COA1: variants seen among roughly 807,000 people sequenced by gnomAD.
COA1 encodes the protein cytochrome c oxidase assembly factor 1.
In COA1, 13 loss-of-function variants were observed where a neutral mutation model predicts 16.0. The observed-to-expected ratio is 0.81, with a 90% CI of 0.53 to 1.29. The LOEUF (loss-of-function observed/expected upper bound fraction) is 1.29. Among genes scored for constraint, COA1 ranks in the 50% most tolerant of loss-of-function variants. COA1 has a pLI of 0.00. For synonymous variants in COA1, 65 were observed against 65.7 expected, an observed-to-expected ratio of 0.99 and a Z score of 0.05; for missense variants, 179 against 177.0, an observed-to-expected ratio of 1.01 and a Z score of -0.06.
At chr7:43,619,001 T>C (rs538212873) in intron 6 of COA1, among the ~76,000 whole-genome samples, 23 of 151,808 alleles carry the variant, frequency 1.5e-4, no homozygotes, top group Admixed American at 5.2e-4. Context: ...ATTGAGAAAA[T>C]TGTGAGGGAT....
chr7:43,639,654 C>A lies in COA1; in HGVS notation c.369G>T (p.Glu123Asp). Reference protein sequence around the residue: ...QRWHLDEVFLELKDGQQIPVF... With the variant: ...QRWHLDEVFLDLKDGQQIPVF... ...CAGGAATCTGCTGACCATCCTTGAG[C>A]TCTAAAAAGACCTCGTCAAGGTGCC... The change falls in exon 6 of 6, where the codon GAG (glutamate) becomes GAT (aspartate). Residue 123 changes from glutamate (E) to aspartate (D), a missense_variant. Transcript: ENST00000223336. 1 of 1,614,062 alleles carries A rather than the reference C, an allele frequency of 6.2e-7. No homozygotes were observed. Among genetic ancestry groups the A allele is most frequent in the Non-Finnish European group, 8.5e-7 (1 of 1,179,950 alleles).
Position 43,648,624 on chromosome 7 carries a change from C to G in COA1, c.-10G>C. The G allele has an allele frequency of 3.1e-6, 5 of 1,612,540 alleles. No individual in the cohort carries two copies. The highest frequency in any genetic ancestry group is 4.2e-6 in the Non-Finnish European group (5 of 1,179,492). On this transcript the variant is annotated 5_prime_UTR_variant, in exon 2 of 6. Coordinates refer to ENST00000223336, the MANE Select transcript of COA1 (RefSeq NM_018224.4). Reference sequence around the variant, plus strand: ...CCTTTTGCCACATCATAGCACAACTCTCTTGAAAATCATCAAAGGCAAGTT... The same window carrying G: ...CCTTTTGCCACATCATAGCACAACTGTCTTGAAAATCATCAAAGGCAAGTT...
At chr7:43,684,604 T>C (rs1212282216) in intron 1 of COA1, among the ~76,000 whole-genome samples, 1 of 152,118 alleles carries the variant, frequency 6.6e-6, no homozygotes, top group African/African-American at 2.4e-5. Flanking sequence ...GAGGAAAGGA[T>C]AGAGACCCCT....
chr7:43,714,394 G>A (rs1243378895), intron 1 of COA1, among the ~76,000 whole-genome samples: 1 of 150,498 alleles, frequency 6.6e-6, no homozygotes, highest in Non-Finnish European at 1.5e-5. Context: ...TTGGGAGGCC[G>A]AGGAGGGTGG....
At chr7:43,628,486 G>C (rs2084842227) in intron 6 of COA1, among the ~76,000 whole-genome samples, 1 of 152,144 alleles carries the variant, frequency 6.6e-6, no homozygotes, top group Non-Finnish European at 1.5e-5. Flanking sequence ...GAATTGCTAG[G>C]TCTTATGGTA....
chr7:43,620,707 T>A (rs1173150267), intron 6 of COA1, among the ~76,000 whole-genome samples: 1 of 152,100 alleles, frequency 6.6e-6, no homozygotes, highest in East Asian at 1.9e-4. Context: ...TATTTAAAAT[T>A]TCAGTGGTGA....
intron 6 of COA1, chr7:43,619,520 A>C (rs1375300744): frequency 1.3e-6 from 2 of 1,521,964 alleles, no homozygotes; most frequent in African/African-American, 2.8e-5. Flanking sequence ...CATAGGTGAA[A>C]TATGTTTTAT....
downstream of COA1, among the ~76,000 whole-genome samples, chr7:43,636,766 T>C (rs3807524): frequency 7.1e-4 from 108 of 152,284 alleles, no homozygotes; most frequent in East Asian, 1.7e-3. Flanking sequence ...TCTAGGAAAA[T>C]TGAACAAAGA....
chr7:43,647,483 C>CAGG, intron 3 of COA1, 52 bp downstream of exon 3: 1 of 1,152,156 alleles, frequency 8.7e-7, no homozygotes, highest in Non-Finnish European at 1.3e-6. Context: ...GATGGAGGAG[C>CAGG]AGGAGCAGGC....
intron 4 of COA1, among the ~76,000 whole-genome samples, chr7:43,643,335 C>T (rs2087705735): frequency 2.0e-5 from 3 of 152,236 alleles, no homozygotes; most frequent in South Asian, 4.1e-4. Context: ...TACAGCTGGG[C>T]TCTGTGCTGA....
At chr7:43,680,499 T>C (rs1311641693) in intron 1 of COA1, among the ~76,000 whole-genome samples, 1 of 152,216 alleles carries the variant, frequency 6.6e-6, no homozygotes, top group African/African-American at 2.4e-5. Flanking sequence ...AAATCTGCAA[T>C]GAAGTAAGAC....
chr7:43,658,161 G>C (rs2092000948), intron 1 of COA1, among the ~76,000 whole-genome samples: 1 of 151,998 alleles, frequency 6.6e-6, no homozygotes, highest in African/African-American at 2.4e-5. Flanking sequence ...TGGATCACGG[G>C]GTCAGGAGAT....
chr7:43,651,403 T>C (rs1278851608), intron 1 of COA1, among the ~76,000 whole-genome samples: 1 of 152,198 alleles, frequency 6.6e-6, no homozygotes, highest in Admixed American at 6.5e-5. Context: ...GGGGTGACTT[T>C]GGCCTCCAAA....
At chr7:43,664,295 T>C (rs959301228) in intron 1 of COA1, among the ~76,000 whole-genome samples, 5 of 152,174 alleles carry the variant, frequency 3.3e-5, no homozygotes, top group Non-Finnish European at 7.3e-5. Context: ...TATTTGTCTT[T>C]TTGTTATGGC....
In COA1 at chr7:43,691,414, A is replaced by AG. The variant is rs1272869717; in HGVS notation, c.-39+38014dup. On this transcript the variant is annotated intron_variant, in intron 1 of 5. Coordinates refer to ENST00000223336, the MANE Select transcript of COA1 (RefSeq NM_018224.4). ...AAGGAAGGAAGGAAGGAAGGAAGGA[A>AG]GAAAGAAAAAGAAAGAAAGAAAGAA... Among the ~76,000 whole-genome samples the AG allele has an allele frequency of 4.2e-3, 459 of 108,664 alleles. 3 individuals carry two copies. Among genetic ancestry groups the AG allele is most frequent in the East Asian group, 0.012 (37 of 3,084 alleles). 71.3% of individuals were successfully genotyped at this position (108,664 alleles called of 152,430 possible). A position where few individuals can be genotyped will look rare whatever the true frequency, so the allele number is the denominator to read the frequency against.
chr7:43,677,658 G>A (rs1177963144), intron 1 of COA1, among the ~76,000 whole-genome samples: 3 of 152,044 alleles, frequency 2.0e-5, no homozygotes, highest in Non-Finnish European at 2.9e-5. Context: ...AATTAGCTGG[G>A]TGTGGTGGTG....
In COA1 at chr7:43,679,106, C is replaced by A. The variant is rs1584886884; in HGVS notation, c.-38-30454G>T. On this transcript the variant is annotated intron_variant, in intron 1 of 5. Transcript: ENST00000223336. Reference sequence around the variant, plus strand: ...CCAGCCTGGCCAACATGGTGAAACCCCATACAAAAAATTAGCTGGGCATGG... The same window carrying A: ...CCAGCCTGGCCAACATGGTGAAACCACATACAAAAAATTAGCTGGGCATGG... Among the ~76,000 whole-genome samples, 3 of 151,946 alleles carry A rather than the reference C, an allele frequency of 2.0e-5. No homozygotes were observed. In the South Asian group the frequency reaches 6.2e-4, roughly 32 times the overall value.
At chr7:43,659,959 A>G (rs1264466652) in intron 1 of COA1, among the ~76,000 whole-genome samples, 1 of 152,256 alleles carries the variant, frequency 6.6e-6, no homozygotes, top group East Asian at 1.9e-4. Flanking sequence ...ACATACACAC[A>G]TACAGAGAAA....
At chr7:43,653,236 C>T (rs529139254) in intron 1 of COA1, among the ~76,000 whole-genome samples, 183 of 152,064 alleles carry the variant, frequency 1.2e-3, no homozygotes, top group Non-Finnish European at 2.4e-3. Context: ...GGCGTGAACC[C>T]GGGAGGTGGA....
Sources: gnomAD v4.1 joint callset for allele counts (sites outside exome capture counted in the v4.1 genomes callset) on GRCh38, gnomAD v4.1.1 for gene constraint, MANE v1.5 for transcripts, NCBI Gene and HGNC (gene_info 2026-07-23, HGNC 2026-07-21) for gene names.